FBXO45: variants seen among roughly 807,000 people sequenced by gnomAD.
FBXO45 encodes F-box protein 45.
A neutral mutation model predicts 25.5 loss-of-function variants in FBXO45; 3 were observed. The ratio of observed to expected loss-of-function variants is 0.12; its 90% CI spans 0.05 to 0.30. The LOEUF is 0.30. Among genes scored for constraint, FBXO45 ranks in the 10% least tolerant of loss-of-function variants. The pLI is 1.00. For synonymous variants in FBXO45, 155 were observed against 149.8 expected, an observed-to-expected ratio of 1.03 and a Z score of -0.25; for missense variants, 219 against 365.0, an observed-to-expected ratio of 0.60 and a Z score of 3.26.
chr3:196,578,370 A>G (rs1046573126), intron 2 of FBXO45, among the ~76,000 whole-genome samples: 3 of 152,190 alleles, frequency 2.0e-5, no homozygotes, highest in African/African-American at 7.2e-5. Context: ...AAATAAATGT[A>G]TAAATGATCT....
In FBXO45 at chr3:196,582,712, T is replaced by C. The variant is rs1359054361; in HGVS notation, c.676-1421T>C. ...TAATAATCAGTGCTGCTGTTTTTTA[T>C]AACAAACAGGTGTTTCAGAGTTGTG... On this transcript the variant is annotated intron_variant, in intron 2 of 2. Coordinates refer to ENST00000311630, the MANE Select transcript of FBXO45 (RefSeq NM_001105573.2). 2.6e-5 allele frequency among the ~76,000 whole-genome samples: 4 copies of C among 152,160 alleles called. No individual in the cohort carries two copies. In the East Asian group the frequency reaches 5.8e-4, roughly 22 times the overall value.
At chr3:196,572,200 A>T (rs1423509197) in intron 1 of FBXO45, among the ~76,000 whole-genome samples, 3 of 152,150 alleles carry the variant, frequency 2.0e-5, no homozygotes, top group Admixed American at 2.0e-4. Flanking sequence ...ATTTTTATTT[A>T]AAAAAATGAG....
At chr3:196,577,035 A>G (rs559893724) in intron 1 of FBXO45, among the ~76,000 whole-genome samples, 83 of 152,352 alleles carry the variant, frequency 5.4e-4, no homozygotes, top group African/African-American at 1.8e-3. Context: ...AGCTTTGCCA[A>G]TGATTAATTT....
chr3:196,581,326 G>T (rs1238954277), intron 2 of FBXO45, among the ~76,000 whole-genome samples: 1 of 138,680 alleles, frequency 7.2e-6, no homozygotes, highest in East Asian at 2.2e-4. Flanking sequence ...CGACTCCCGG[G>T]TTCAAGTGAT....
At position 196,577,695 on chromosome 3, in the gene FBXO45, A is replaced by T; in HGVS notation, c.561A>T (p.Ala187=). 6.2e-7 allele frequency: 1 copy of T among 1,613,992 alleles called. No individual in the cohort carries two copies. The highest frequency in any genetic ancestry group is 8.5e-7 in the Non-Finnish European group (1 of 1,179,880). The stretch of plus-strand genomic sequence containing the variant: ...CCATGCAGTGCCAAGGTTATGTGGC[A>T]TTGCTGGGCAGTGATGACCAGAGCT... ...RAPMQCQGYV[A]LLGSDDQSWG... The change falls in exon 2 of 3, where the codon GCA becomes GCT. Residue 187 remains alanine, a synonymous_variant. Transcript: ENST00000311630.
chr3:196,584,042 C>A lies in FBXO45; in HGVS notation c.676-91C>A. The stretch of plus-strand genomic sequence containing the variant: ...TCTAGATAGCTTTCAGGATAATATT[C>A]TTAATATTTTCAACTTCTTGATTTG... On this transcript the variant is annotated intron_variant, in intron 2 of 2. Coordinates refer to ENST00000311630, the MANE Select transcript of FBXO45 (RefSeq NM_001105573.2). The surrounding 1 kb of genome is among the most constrained non-coding windows in gnomAD (Gnocchi z 4.3). The A allele has an allele frequency of 8.3e-7, 1 of 1,206,388 alleles. No individual in the cohort carries two copies. Among genetic ancestry groups the A allele is most frequent in the Non-Finnish European group, 1.2e-6 (1 of 845,532 alleles). 74.7% of individuals were successfully genotyped at this position (1,206,388 alleles called of 1,614,324 possible).
rs1376719613 is a variant in FBXO45 at position 196,569,470 on chromosome 3, C to G, written c.318+168C>G. Among the ~76,000 whole-genome samples, 1 of 152,172 alleles carries G rather than the reference C, an allele frequency of 6.6e-6. No individual in the cohort carries two copies. Among genetic ancestry groups the G allele is most frequent in the Non-Finnish European group, 1.5e-5 (1 of 68,028 alleles). On this transcript the variant is annotated intron_variant, in intron 1 of 2. Coordinates refer to ENST00000311630, the MANE Select transcript of FBXO45 (RefSeq NM_001105573.2). This position sits in a 1 kb window ranked among gnomAD's most constrained non-coding sequence, Gnocchi z 4.1. ...CCCCCCAAGATAAAGATTCTCTTTT[C>G]TTTGGATCGAAGTTCTGCTCCTTAA...
At chr3:196,577,970 T>C (rs1438034215) in intron 2 of FBXO45, among the ~76,000 whole-genome samples, 161 bp downstream of exon 2, 1 of 151,746 alleles carries the variant, frequency 6.6e-6, no homozygotes, top group Non-Finnish European at 1.5e-5. Context: ...AGGAGATTTT[T>C]TTTTTTTAAT....
At chr3:196,581,207 CTTTTTTTTCTTTTTCCTT>C (rs1736004116) in intron 2 of FBXO45, among the ~76,000 whole-genome samples, 1 of 102,836 alleles carries the variant, frequency 9.7e-6, no homozygotes, top group African/African-American at 3.3e-5. Flanking sequence ...TTAGAATTTC[CTTTTTTTTCTTTTTCCTT>C]TTTTTTTTTT....
At chr3:196,583,057 C>T (rs1337015082) in intron 2 of FBXO45, among the ~76,000 whole-genome samples, 1 of 152,124 alleles carries the variant, frequency 6.6e-6, no homozygotes, top group Non-Finnish European at 1.5e-5. Flanking sequence ...CTCTGCTCTA[C>T]AACTATATAT....
intron 1 of FBXO45, among the ~76,000 whole-genome samples, chr3:196,570,386 C>T (rs1424796315): frequency 1.3e-5 from 2 of 151,568 alleles, no homozygotes. Context: ...TACAGGCATG[C>T]GCCACCATGC....
At chr3:196,580,200 CT>C (rs35628375) in intron 2 of FBXO45, among the ~76,000 whole-genome samples, 80 of 138,824 alleles carry the variant, frequency 5.8e-4, no homozygotes, top group African/African-American at 5.4e-4. Flanking sequence ...GAAGGGGTTT[CT>C]TTTTTTTTTT....
intron 1 of FBXO45, among the ~76,000 whole-genome samples, chr3:196,572,621 G>A (rs9858738): frequency 0.24 from 35,998 of 152,076 alleles, 4,481 homozygotes; most frequent in South Asian, 0.32. Flanking sequence ...GGACCAAAGC[G>A]TAGGGAAGCC....
Position 196,569,687 on chromosome 3 carries a change from TAGTTTCTA to T in FBXO45, c.318+402_318+409del, listed in dbSNP as rs534192733. Among the ~76,000 whole-genome samples the T allele has an allele frequency of 3.3e-3, 498 of 152,350 alleles. 5 individuals are homozygous for T. The South Asian group carries it at 0.042, about 13-fold the overall frequency. ...AATCCCGGCCACCTTAACATGGGCT[TAGTTTCTA>T]AGTTTCTAAGTTTCTAGTTTGCTTT... is the stretch of plus-strand genomic sequence containing the variant. On this transcript the variant is annotated intron_variant, in intron 1 of 2. Transcript: ENST00000311630. The surrounding 1 kb of genome is among the most constrained non-coding windows in gnomAD (Gnocchi z 4.1).
intron 1 of FBXO45, among the ~76,000 whole-genome samples, chr3:196,571,258 ACT>A (rs10576255): frequency 0.24 from 35,960 of 151,312 alleles, 4,449 homozygotes; most frequent in South Asian, 0.32. Context: ...AAACAACAAA[ACT>A]CTGTCGCCCA....
At position 196,571,630 on chromosome 3, in the gene FBXO45, A is replaced by G. The variant is rs145620834; in HGVS notation, c.318+2328A>G. On this transcript the variant is annotated intron_variant, in intron 1 of 2. Transcript: ENST00000311630. ...ATAGATAATGTGTTCGTGTGAGTCA[A>G]GCTTCAATAGAAGCAAAATGATATC... 1.3e-3 allele frequency among the ~76,000 whole-genome samples: 204 copies of G among 152,372 alleles called. 1 individual carries two copies. Among genetic ancestry groups the G allele is most frequent in the African/African-American group, 4.7e-3 (197 of 41,588 alleles).
chr3:196,572,877 A>G (rs1171039168), intron 1 of FBXO45, among the ~76,000 whole-genome samples: 4 of 152,134 alleles, frequency 2.6e-5, no homozygotes, highest in Non-Finnish European at 5.9e-5. Context: ...GGGAAGTGGT[A>G]AGGATGACTC....
Position 196,584,108 on chromosome 3 carries a change from C to G in FBXO45, c.676-25C>G. 1 of 1,607,670 alleles carries G rather than the reference C, an allele frequency of 6.2e-7. No homozygotes were observed. The highest frequency in any genetic ancestry group is 8.5e-7 in the Non-Finnish European group (1 of 1,177,880). ...AGCTACACCCTTGGCAGATTTTCTT[C>G]TAACCTTTTGATATCTGTTTGCAGA... On this transcript the variant is annotated intron_variant, in intron 2 of 2. Coordinates refer to ENST00000311630, the MANE Select transcript of FBXO45 (RefSeq NM_001105573.2). This position sits in a 1 kb window ranked among gnomAD's most constrained non-coding sequence, Gnocchi z 4.3.
chr3:196,579,661 T>A (rs1560318616), intron 2 of FBXO45, among the ~76,000 whole-genome samples: 1 of 152,212 alleles, frequency 6.6e-6, no homozygotes, highest in East Asian at 1.9e-4. Flanking sequence ...GCAAAGTCGA[T>A]TGATAATGTT....
Sources: gnomAD v4.1 joint callset for allele counts (sites outside exome capture counted in the v4.1 genomes callset) on GRCh38, gnomAD v4.1.1 for gene constraint, Gnocchi (gnomAD v3.1) non-coding constraint, MANE v1.5 for transcripts, NCBI Gene and HGNC (gene_info 2026-07-23, HGNC 2026-07-21) for gene names.